ZMYM2: variants seen among roughly 807,000 people sequenced by gnomAD.
The protein encoded by ZMYM2 is zinc finger MYM-type protein 2.
In ZMYM2, 56 loss-of-function variants were observed where a neutral mutation model predicts 162.8. That is an observed-to-expected ratio of 0.34 (90% CI 0.28 to 0.43). ZMYM2 has a LOEUF of 0.43. Among genes scored for constraint, ZMYM2 ranks in the 20% least tolerant of loss-of-function variants. The pLI, the probability that ZMYM2 is intolerant of heterozygous loss-of-function variation, is 1.00. For missense variants in ZMYM2, 1,275 were observed against 1,621.8 expected (o/e 0.79, Z 3.67); for synonymous variants, 510 against 541.6 (o/e 0.94, Z 0.81).
chr13:20,072,880 C>G (rs1566456477), intron 21 of ZMYM2, among the ~76,000 whole-genome samples: 1 of 151,350 alleles, frequency 6.6e-6, no homozygotes, highest in Non-Finnish European at 1.5e-5. Flanking sequence ...ATTCCTGATA[C>G]TGGTAATCTG....
rs1253324651 is a variant in ZMYM2 at position 20,061,108 on chromosome 13, C to T, written c.2795C>T (p.Ala932Val). 1.2e-6 allele frequency: 2 copies of T among 1,612,656 alleles called. No homozygotes were observed. Among genetic ancestry groups the T allele is most frequent in the Non-Finnish European group, 1.7e-6 (2 of 1,179,316 alleles). Residue 932 changes from alanine to valine, a missense_variant, in exon 17 of 25, where the codon GCA becomes GTA. Ala to Val is a moderately conservative substitution (Grantham distance 64, BLOSUM62 0). Coordinates refer to ENST00000610343, the MANE Select transcript of ZMYM2 (RefSeq NM_197968.4). ...APLDSSEKIP[A>V]AIEELKSKVS... is the part of the protein sequence containing the mutation. ...TTGGACAGCAGTGAGAAGATTCCTG[C>T]AGCAATTGAGGAGCTAAAAAGCAAG...
At chr13:19,977,911 G>A (rs1194703293) in intron 2 of ZMYM2, among the ~76,000 whole-genome samples, 2 of 124,116 alleles carry the variant, frequency 1.6e-5, no homozygotes, top group African/African-American at 3.0e-5. Flanking sequence ...GGGTCTTGCT[G>A]TGTCGCCCAG....
chr13:19,960,914 C>T (rs2139043977), intron 2 of ZMYM2, among the ~76,000 whole-genome samples: 1 of 152,178 alleles, frequency 6.6e-6, no homozygotes, highest in Non-Finnish European at 1.5e-5. Flanking sequence ...GTATTCAGTC[C>T]ACATGGTTCA....
chr13:20,067,041 C>T (rs1009484516), intron 20 of ZMYM2, 22 bp downstream of exon 20: 1 of 1,551,472 alleles, frequency 6.4e-7, no homozygotes, highest in East Asian at 2.3e-5. Flanking sequence ...AATTTTGTTT[C>T]TCCTAAGTCC....
rs763885333 is a variant in ZMYM2, at chr13:20,061,180, T to A, written c.2867T>A (p.Met956Lys). The change falls in exon 17 of 25, where the codon ATG (methionine) becomes AAG (lysine). Residue 956 changes from methionine to lysine, a missense_variant. Coordinates refer to ENST00000610343, the MANE Select transcript of ZMYM2 (RefSeq NM_197968.4). ...ACAGAGTTGCTTACAATGACGGATA[T>A]GATGAGTGAAGACGAGGGGAAAACA... ...LDTELLTMTD[M>K]MSEDEGKTET... The A allele has an allele frequency of 4.3e-6, 7 of 1,613,668 alleles. No individual in the cohort carries two copies. In the South Asian group the frequency reaches 7.7e-5, roughly 18 times the overall value.
At chr13:19,957,079 T>C (rs1156475697), upstream of ZMYM2, among the ~76,000 whole-genome samples, 1 of 152,200 alleles carries the variant, frequency 6.6e-6, no homozygotes, top group African/African-American at 2.4e-5. Context: ...ATTTTATTAA[T>C]TTTTTTCAAT....
chr13:19,944,997 A>G, the ZMYM2 span, among the ~76,000 whole-genome samples: 1 of 152,118 alleles, frequency 6.6e-6, no homozygotes, highest in East Asian at 1.9e-4. Context: ...AAGAAAACAA[A>G]TTAAAAACAC....
chr13:19,986,755 C>T (rs1477063261), intron 2 of ZMYM2, among the ~76,000 whole-genome samples: 1 of 151,928 alleles, frequency 6.6e-6, no homozygotes, highest in Non-Finnish European at 1.5e-5. Flanking sequence ...TCATGTCAAA[C>T]ACTATAGCAG....
At chr13:19,866,436 C>T in the ZMYM2 span, among the ~76,000 whole-genome samples, 2 of 152,044 alleles carry the variant, frequency 1.3e-5, no homozygotes, top group Non-Finnish European at 2.9e-5. Flanking sequence ...AAGGCCGAGA[C>T]GGGCAGATCA....
At chr13:20,030,389 GCTCAGC>G (rs1488497461) in intron 9 of ZMYM2, among the ~76,000 whole-genome samples, 11 of 132,910 alleles carry the variant, frequency 8.3e-5, no homozygotes, top group Non-Finnish European at 1.7e-4. Context: ...GCGCCACCAT[GCTCAGC>G]TAATTTTTTT....
intron 6 of ZMYM2, among the ~76,000 whole-genome samples, chr13:20,017,838 G>T (rs756777919): frequency 3.9e-5 from 6 of 152,116 alleles, no homozygotes; most frequent in Non-Finnish European, 8.8e-5. Flanking sequence ...GCACTTTTAT[G>T]ATGACTGCTT....
chr13:19,941,321 A>C, the ZMYM2 span, among the ~76,000 whole-genome samples: 1 of 146,172 alleles, frequency 6.8e-6, no homozygotes, highest in Non-Finnish European at 1.5e-5. Context: ...AAACAAAAAA[A>C]CAAAAAAAAA....
upstream of ZMYM2, among the ~76,000 whole-genome samples, chr13:19,955,111 C>G (rs1954480075): frequency 6.6e-6 from 1 of 151,464 alleles, no homozygotes; most frequent in African/African-American, 2.4e-5. Context: ...TGCGCCCGGC[C>G]CCAAGACTAC....
the ZMYM2 span, among the ~76,000 whole-genome samples, chr13:19,949,738 T>C: frequency 6.6e-6 from 1 of 150,564 alleles, no homozygotes; most frequent in African/African-American, 2.4e-5. Flanking sequence ...AGTGCAAAAA[T>C]TAGCTGGGCG....
chr13:19,984,098 GAGA>G (rs1233965646), intron 2 of ZMYM2, among the ~76,000 whole-genome samples: 1 of 152,210 alleles, frequency 6.6e-6, no homozygotes, highest in Non-Finnish European at 1.5e-5. Context: ...GCTTATAAGG[GAGA>G]AGATGATGAA....
rs1179036344 is a variant in ZMYM2, at chr13:20,006,400, T to C, written c.1326T>C (p.Asn442=). Residue 442 remains asparagine (N), a synonymous_variant, in exon 6 of 25, where the codon AAT becomes AAC. Transcript: ENST00000610343. Reference sequence around the variant, plus strand: ...TTCGCCATGAAGTCAGCTTTAAAAATATGACTCATAAGCTGTGCAGTGACC... The same window carrying C: ...TTCGCCATGAAGTCAGCTTTAAAAACATGACTCATAAGCTGTGCAGTGACC... ...TEIRHEVSFK[N]MTHKLCSDHC... is the part of the protein sequence containing the mutation. 1 of 1,595,276 alleles carries C rather than the reference T, an allele frequency of 6.3e-7. No homozygotes were observed. The highest frequency in any genetic ancestry group is 1.8e-5 in the Admixed American group (1 of 55,788).
chr13:20,019,683 A>G (rs1951911162), intron 7 of ZMYM2, 65 bp downstream of exon 7: 4 of 1,382,678 alleles, frequency 2.9e-6, no homozygotes, highest in Non-Finnish European at 4.0e-6. Context: ...TACTGTCATT[A>G]ATATGTATCT....
intron 23 of ZMYM2, 139 bp from the exon 24 acceptor site, chr13:20,083,517 T>G (rs1044396904): frequency 1.5e-6 from 1 of 655,444 alleles, no homozygotes; most frequent in East Asian, 2.8e-5. Context: ...GTTTGAAAAA[T>G]TGTACATTAC....
chr13:20,059,247 G>T (rs1956049910), intron 15 of ZMYM2, among the ~76,000 whole-genome samples, 200 bp from the exon 16 acceptor site: 1 of 149,172 alleles, frequency 6.7e-6, no homozygotes, highest in South Asian at 2.1e-4. Flanking sequence ...AATTCTATTT[G>T]TATTTTCTGT....
Sources: allele counts gnomAD v4.1 joint callset (sites outside exome capture counted in the v4.1 genomes callset), GRCh38; gene constraint gnomAD v4.1.1; transcripts MANE v1.5; gene names NCBI Gene and HGNC (gene_info 2026-07-23, HGNC 2026-07-21).